WDR17: variants seen among roughly 807,000 people sequenced by gnomAD.
WDR17 encodes WD repeat-containing protein 17.
In WDR17, 143 loss-of-function variants were observed where a neutral mutation model predicts 161.7. The observed-to-expected ratio is 0.88, with a 90% CI of 0.77 to 1.02. The LOEUF is 1.02. Ranked by LOEUF, WDR17 falls within the 50% of genes least tolerant of loss-of-function variation. The probability of loss-of-function intolerance (pLI) is 0.00; values close to 1 mark genes in which losing one functional copy is unlikely to be tolerated. For synonymous variants in WDR17, 517 were observed against 515.6 expected, an observed-to-expected ratio of 1.00 and a Z score of -0.04; for missense variants, 1,469 against 1,520.9, an observed-to-expected ratio of 0.97 and a Z score of 0.57.
intron 26 of WDR17, 104 bp downstream of exon 26, chr4:176,174,822 G>A (rs932506705): frequency 4.8e-6 from 3 of 623,846 alleles, no homozygotes; most frequent in Non-Finnish European, 5.4e-6. Flanking sequence ...ATTATTACAA[G>A]TATCCATCTA....
At chr4:176,137,465 A>G in intron 8 of WDR17, 55 bp from the exon 9 acceptor site, 1 of 1,424,658 alleles carries the variant, frequency 7.0e-7, no homozygotes, top group East Asian at 2.3e-5. Context: ...ATTTTTTAAA[A>G]GAATTACATT....
chr4:176,164,189 A>G (rs1749444450), intron 22 of WDR17, among the ~76,000 whole-genome samples: 1 of 152,192 alleles, frequency 6.6e-6, no homozygotes, highest in South Asian at 2.1e-4. Flanking sequence ...AAAATTCACT[A>G]GGTTCTATGT....
chr4:176,162,788 TGATA>T (rs1749222733), intron 21 of WDR17, among the ~76,000 whole-genome samples: 1 of 152,190 alleles, frequency 6.6e-6, no homozygotes, highest in Non-Finnish European at 1.5e-5. Flanking sequence ...CTTTAGGAAA[TGATA>T]GATAACTATA....
At position 176,179,552 on chromosome 4, in the gene WDR17, G is replaced by T. The variant is rs772094458; in HGVS notation, c.3825G>T (p.Gly1275=). Residue 1275 remains glycine, a synonymous_variant, in exon 29 of 29, where the codon GGG becomes GGT. Coordinates refer to ENST00000508596, the MANE Select transcript of WDR17 (RefSeq NM_181265.4). ...WAKVNPFSPL[G]TGIRLNPF ...AGGTGAATCCATTCTCACCTTTAGG[G>T]ACTGGAATACGACTCAATCCATTCT... 2 of 1,599,560 alleles carry T rather than the reference G, an allele frequency of 1.3e-6. No homozygotes were observed. The highest frequency in any genetic ancestry group is 1.7e-6 in the Non-Finnish European group (2 of 1,172,422).
chr4:176,089,121 A>G (rs546237464), intron 1 of WDR17, among the ~76,000 whole-genome samples: 1 of 152,176 alleles, frequency 6.6e-6, no homozygotes, highest in Non-Finnish European at 1.5e-5. Context: ...TTTAGTATGT[A>G]ATTTCTTTTT....
intron 1 of WDR17, among the ~76,000 whole-genome samples, chr4:176,071,094 T>C (rs551244428): frequency 6.7e-6 from 1 of 149,938 alleles, no homozygotes; most frequent in Admixed American, 6.7e-5. Context: ...GGGGATTACA[T>C]AGCAATTTAT....
chr4:176,123,882 G>C (rs947468612), intron 4 of WDR17, among the ~76,000 whole-genome samples: 1 of 152,180 alleles, frequency 6.6e-6, no homozygotes, highest in African/African-American at 2.4e-5. Context: ...TCAAGCCTTG[G>C]TCTTTCAGTG....
At chr4:176,178,550 T>A (rs1291662315) in intron 28 of WDR17, among the ~76,000 whole-genome samples, 3 of 152,154 alleles carry the variant, frequency 2.0e-5, no homozygotes, top group African/African-American at 7.2e-5. Flanking sequence ...AAAGAGCTAC[T>A]AATTATCTCA....
chr4:176,093,662 C>T (rs148476828), intron 1 of WDR17, among the ~76,000 whole-genome samples: 121 of 151,930 alleles, frequency 8.0e-4, no homozygotes, highest in African/African-American at 2.7e-3. Flanking sequence ...AATAAATTTC[C>T]TCAAAAGTTT....
intron 7 of WDR17, among the ~76,000 whole-genome samples, chr4:176,134,753 T>A (rs1744122979): frequency 6.6e-6 from 1 of 151,752 alleles, no homozygotes; most frequent in Admixed American, 6.6e-5. Context: ...TATTAAGAGT[T>A]AATTGCTTTA....
intron 5 of WDR17, 138 bp from the exon 6 acceptor site, chr4:176,128,600 G>A (rs1041422309): frequency 1.2e-6 from 1 of 808,392 alleles, no homozygotes; most frequent in Non-Finnish European, 1.9e-6. Flanking sequence ...TTGTATTACT[G>A]TATGGTATTG....
At chr4:176,101,859 T>C (rs1737885754) in intron 1 of WDR17, among the ~76,000 whole-genome samples, 1 of 152,146 alleles carries the variant, frequency 6.6e-6, no homozygotes, top group Non-Finnish European at 1.5e-5. Flanking sequence ...AGGCCTTATA[T>C]ATTTTACAAA....
chr4:176,170,780 TAGAA>T (rs1750618543), intron 23 of WDR17, among the ~76,000 whole-genome samples: 1 of 152,238 alleles, frequency 6.6e-6, no homozygotes, highest in Non-Finnish European at 1.5e-5. Context: ...AATATCTTTT[TAGAA>T]AGACTAGTGA....
intron 1 of WDR17, among the ~76,000 whole-genome samples, chr4:176,082,399 A>C (rs1039297485): frequency 2.6e-5 from 4 of 152,060 alleles, no homozygotes; most frequent in African/African-American, 9.7e-5. Context: ...TTATTGACTA[A>C]TTGAGAATTT....
chr4:176,145,885 A>C lies in WDR17; in HGVS notation c.1530-110A>C, dbSNP rs1336863598. ...ATATGTAAGTTTTTAGTCTAACTTCACTAAGGAAGCAAAAATTCTACTTTT... is the reference window on the plus strand; with the variant it reads ...ATATGTAAGTTTTTAGTCTAACTTCCCTAAGGAAGCAAAAATTCTACTTTT... On this transcript the variant is annotated intron_variant, in intron 11 of 28. Coordinates refer to ENST00000508596, the MANE Select transcript of WDR17 (RefSeq NM_181265.4). 3.0e-6 allele frequency: 3 copies of C among 1,007,734 alleles called. No individual in the cohort carries two copies. In the East Asian group the frequency reaches 8.2e-5, roughly 28 times the overall value. 62.4% of individuals were successfully genotyped at this position (1,007,734 alleles called of 1,614,324 possible).
At chr4:176,140,675 A>C (rs1745118219) in intron 10 of WDR17, among the ~76,000 whole-genome samples, 1 of 151,954 alleles carries the variant, frequency 6.6e-6, no homozygotes, top group Non-Finnish European at 1.5e-5. Context: ...TCTTGAGAAT[A>C]CAGAAGTTGT....
chr4:176,090,328 G>C (rs1252336704), intron 1 of WDR17, among the ~76,000 whole-genome samples: 1 of 150,164 alleles, frequency 6.7e-6, no homozygotes, highest in African/African-American at 2.5e-5. Flanking sequence ...CGTCATCTCT[G>C]CGCACACCAG....
chr4:176,151,976 C>A lies in WDR17; in HGVS notation c.2460+9C>A, dbSNP rs1218140136. ...TGGTTGAACTTGGAGAGGTAATGTG[C>A]TATGAAAGTAAAACTAATGAGTTTA... On this transcript the variant is annotated intron_variant, in intron 17 of 28. Coordinates refer to ENST00000508596, the MANE Select transcript of WDR17 (RefSeq NM_181265.4). The A allele has an allele frequency of 1.6e-5, 25 of 1,607,572 alleles. No homozygotes were observed. Among genetic ancestry groups the A allele is most frequent in the Non-Finnish European group, 2.1e-5 (25 of 1,178,144 alleles).
chr4:176,177,554 A>C lies in WDR17; in HGVS notation c.3632A>C (p.Glu1211Ala), dbSNP rs1406369560. ...ACTTTATTAAAGAGACTAAAAGAAGAGTCACTGAAAGGAATTATTGGACCA... is the reference window on the plus strand; with the variant it reads ...ACTTTATTAAAGAGACTAAAAGAAGCGTCACTGAAAGGAATTATTGGACCA... ...YATLLKRLKE[E>A]SLKGIIGPDY... Residue 1211 changes from glutamate to alanine, a missense_variant, in exon 28 of 29, where the codon GAG (glutamate) becomes GCG (alanine). By Grantham distance (107) the Glu-to-Ala change is moderately radical. Coordinates refer to ENST00000508596, the MANE Select transcript of WDR17 (RefSeq NM_181265.4). 1 of 1,599,230 alleles carries C rather than the reference A, an allele frequency of 6.3e-7. No individual in the cohort carries two copies. The highest frequency in any genetic ancestry group is 1.8e-5 in the Admixed American group (1 of 54,120).
Sources: allele counts gnomAD v4.1 joint callset (sites outside exome capture counted in the v4.1 genomes callset), GRCh38; gene constraint gnomAD v4.1.1; transcripts MANE v1.5; gene names NCBI Gene and HGNC (gene_info 2026-07-23, HGNC 2026-07-21).